Variants in GPC5 observed in about 807,000 individuals in gnomAD.
GPC5 encodes the protein glypican-5.
Under a neutral mutation model 53.9 loss-of-function variants are expected in GPC5, and 47 were observed. The observed-to-expected ratio is 0.87, with a 90% confidence interval of 0.69 to 1.11. GPC5 has a LOEUF of 1.11. Among genes scored for constraint, GPC5 ranks in the 50% most tolerant of loss-of-function variants. GPC5 has a pLI of 0.00. For synonymous variants in GPC5, 286 were observed against 263.3 expected, an observed-to-expected ratio of 1.09 and a Z score of -0.84; for missense variants, 748 against 713.1, an observed-to-expected ratio of 1.05 and a Z score of -0.56.
At chr13:92,820,366 G>A (rs969135332) in intron 7 of GPC5, among the ~76,000 whole-genome samples, 2 of 152,058 alleles carry the variant, frequency 1.3e-5, no homozygotes, top group Admixed American at 6.6e-5. Context: ...AACCTTTCAG[G>A]TTTTGTTGTT....
At chr13:92,843,132 G>GT (rs2138835619) in intron 7 of GPC5, among the ~76,000 whole-genome samples, 1 of 152,250 alleles carries the variant, frequency 6.6e-6, no homozygotes, top group African/African-American at 2.4e-5. Context: ...AAGGTGGATT[G>GT]TTTTTCATAA....
At chr13:91,559,060 A>G (rs1161355067) in intron 2 of GPC5, among the ~76,000 whole-genome samples, 1 of 151,962 alleles carries the variant, frequency 6.6e-6, no homozygotes, top group Non-Finnish European at 1.5e-5. Context: ...CAGAATTACT[A>G]CTAGATTGGT....
intron 7 of GPC5, among the ~76,000 whole-genome samples, chr13:92,761,916 A>C (rs1192700190): frequency 2.6e-5 from 4 of 152,164 alleles, no homozygotes; most frequent in Non-Finnish European, 4.4e-5. Flanking sequence ...GCAGCTGAGA[A>C]TATTATACCC....
intron 2 of GPC5, among the ~76,000 whole-genome samples, chr13:91,597,816 T>C (rs535247308): frequency 6.6e-6 from 1 of 152,290 alleles, no homozygotes; most frequent in South Asian, 2.1e-4. Flanking sequence ...CTGTGGGCTG[T>C]TGATTTCAGC....
chr13:91,453,082 T>A (rs1881298836), intron 2 of GPC5, among the ~76,000 whole-genome samples: 1 of 151,734 alleles, frequency 6.6e-6, no homozygotes, highest in African/African-American at 2.4e-5. Context: ...TTATTTAACT[T>A]TTTTTTGATT....
chr13:92,319,410 T>TAAAAAAA (rs67635557), intron 7 of GPC5, among the ~76,000 whole-genome samples: 1 of 108,766 alleles, frequency 9.2e-6, no homozygotes, highest in African/African-American at 3.1e-5. Context: ...TCTCTGAAAC[T>TAAAAAAA]AAAAAAAAAA....
At chr13:92,051,243 C>T (rs2041026033) in intron 6 of GPC5, among the ~76,000 whole-genome samples, 1 of 147,562 alleles carries the variant, frequency 6.8e-6, no homozygotes. Context: ...CGCTCTGTCA[C>T]CAGGCTGGAG....
intron 2 of GPC5, among the ~76,000 whole-genome samples, chr13:91,483,710 A>T (rs1883430389): frequency 6.6e-6 from 1 of 152,260 alleles, no homozygotes; most frequent in Non-Finnish European, 1.5e-5. Flanking sequence ...AACAATACAG[A>T]TTATTATGAA....
At chr13:92,070,608 A>T (rs2041203241) in intron 6 of GPC5, among the ~76,000 whole-genome samples, 1 of 152,198 alleles carries the variant, frequency 6.6e-6, no homozygotes, top group Non-Finnish European at 1.5e-5. Context: ...CTAAACTAAC[A>T]CTTTTTTTAT....
At chr13:92,408,045 C>T (rs902195544) in intron 7 of GPC5, among the ~76,000 whole-genome samples, 1 of 152,214 alleles carries the variant, frequency 6.6e-6, no homozygotes, top group Non-Finnish European at 1.5e-5. Context: ...CTGTTAGGAA[C>T]TTGTCTGCAC....
intron 2 of GPC5, among the ~76,000 whole-genome samples, chr13:91,484,602 T>C (rs1883488874): frequency 6.6e-6 from 1 of 151,982 alleles, no homozygotes; most frequent in African/African-American, 2.4e-5. Flanking sequence ...TAATAATATA[T>C]TTATATTTTG....
At chr13:91,494,811 T>C (rs1160093109) in intron 2 of GPC5, among the ~76,000 whole-genome samples, 2 of 152,174 alleles carry the variant, frequency 1.3e-5, no homozygotes, top group Non-Finnish European at 2.9e-5. Context: ...AATCTTTTTC[T>C]GATTTCTCCT....
At chr13:92,858,287 C>T (rs1879069901) in intron 7 of GPC5, among the ~76,000 whole-genome samples, 2 of 152,148 alleles carry the variant, frequency 1.3e-5, no homozygotes, top group South Asian at 4.1e-4. Flanking sequence ...TTATAAAGGG[C>T]AGTTCCCCTG....
chr13:92,380,594 C>G (rs2043730563), intron 7 of GPC5, among the ~76,000 whole-genome samples: 1 of 151,960 alleles, frequency 6.6e-6, no homozygotes, highest in African/African-American at 2.4e-5. Context: ...CCATGGAATA[C>G]TATGCAGCCA....
At chr13:92,295,763 A>AT (rs1362715092) in intron 7 of GPC5, among the ~76,000 whole-genome samples, 1 of 152,200 alleles carries the variant, frequency 6.6e-6, no homozygotes, top group African/African-American at 2.4e-5. Context: ...TTTGTCTGAC[A>AT]TAAGAATAGC....
intron 1 of GPC5, among the ~76,000 whole-genome samples, chr13:91,414,596 G>C (rs191858126): frequency 6.6e-6 from 1 of 152,196 alleles, no homozygotes; most frequent in South Asian, 2.1e-4. Context: ...AGACAAAGGA[G>C]GGGGAGGGAT....
intron 2 of GPC5, among the ~76,000 whole-genome samples, chr13:91,689,391 T>C (rs1025951503): frequency 6.7e-6 from 1 of 149,460 alleles, no homozygotes. Flanking sequence ...ATTTAGACTG[T>C]ACAAATACTG....
intron 7 of GPC5, among the ~76,000 whole-genome samples, chr13:92,549,736 C>G (rs981179588): frequency 1.3e-5 from 2 of 151,880 alleles, no homozygotes; most frequent in African/African-American, 4.8e-5. Flanking sequence ...AGAAAGTATC[C>G]TTCCATTTTA....
chr13:91,827,252 G>C (rs1038977990), intron 5 of GPC5, among the ~76,000 whole-genome samples: 12 of 151,744 alleles, frequency 7.9e-5, no homozygotes, highest in African/African-American at 2.9e-4. Context: ...AACCTATAAA[G>C]CTTTTAAAAG....
Sources: gnomAD v4.1 joint callset for allele counts (sites outside exome capture counted in the v4.1 genomes callset) on GRCh38, gnomAD v4.1.1 for gene constraint, MANE v1.5 for transcripts, NCBI Gene and HGNC (gene_info 2026-07-23, HGNC 2026-07-21) for gene names.